DMD: variants seen among roughly 807,000 people sequenced by gnomAD.
DMD encodes mutant dystrophin.
A neutral mutation model predicts 330.1 loss-of-function variants in DMD; 63 were observed. The ratio of observed to expected loss-of-function variants is 0.19; its 90% CI spans 0.16 to 0.24. DMD has a LOEUF of 0.24. Among genes scored for constraint, DMD ranks in the 10% least tolerant of loss-of-function variants. The pLI, the probability that DMD is intolerant of heterozygous loss-of-function variation, is 1.00. For missense variants in DMD, 3,344 were observed against 2,684.1 expected (o/e 1.25, Z -5.43); for synonymous variants, 1,223 against 959.8 (o/e 1.27, Z -5.07).
chrX:32,483,355 G>C (rs890165974), intron 21 of DMD, among the ~76,000 whole-genome samples: 19 of 105,689 alleles, frequency 1.8e-4, no homozygotes, highest in East Asian at 3.1e-4. Flanking sequence ...AGAGAAGAAA[G>C]ATGATAGGGA....
intron 1 of DMD, among the ~76,000 whole-genome samples, chrX:33,136,869 C>T (rs772283355): frequency 5.4e-4 from 59 of 109,718 alleles, no homozygotes; most frequent in African/African-American, 8.3e-4. Flanking sequence ...GTAAGAAGTA[C>T]GAAGAATTAC....
chrX:32,005,899 A>AT (rs1183733604), intron 44 of DMD, among the ~76,000 whole-genome samples: 1 of 111,525 alleles, frequency 9.0e-6, no homozygotes, highest in African/African-American at 3.3e-5. Flanking sequence ...TTTCCTGACA[A>AT]GTATTTTACT....
chrX:32,153,060 A>G (rs1169839595), intron 44 of DMD, among the ~76,000 whole-genome samples: 1 of 112,100 alleles, frequency 8.9e-6, no homozygotes, highest in Non-Finnish European at 1.9e-5. Context: ...TTATCAGATG[A>G]GTTTGTAGTT....
chrX:32,257,224 GAAAATGGCCATACTGTCC>G (rs1450090548), intron 43 of DMD, among the ~76,000 whole-genome samples: 1 of 112,187 alleles, frequency 8.9e-6, no homozygotes, highest in Non-Finnish European at 1.9e-5. Context: ...TCAGTGGAGT[GAAAATGGCCATACTGTCC>G]AAATTAATTT....
chrX:31,724,694 A>G (rs2085874464), intron 52 of DMD, among the ~76,000 whole-genome samples: 1 of 111,952 alleles, frequency 8.9e-6, no homozygotes, highest in Non-Finnish European at 1.9e-5. Flanking sequence ...CTCTGTACCA[A>G]ATCCATCTCA....
At chrX:33,308,074 C>A (rs180760466) in intron 1 of DMD, among the ~76,000 whole-genome samples, 100 of 112,212 alleles carry the variant, frequency 8.9e-4, no homozygotes, top group African/African-American at 3.2e-3. Context: ...GGTATGTCTA[C>A]CAATGCGCAG....
chrX:32,460,862 G>T (rs922670028), intron 25 of DMD, among the ~76,000 whole-genome samples: 1 of 111,818 alleles, frequency 8.9e-6, no homozygotes, highest in African/African-American at 3.2e-5. Flanking sequence ...AGACATTGTT[G>T]TGATAATGTG....
At chrX:33,065,932 A>C (rs1303001521) in intron 1 of DMD, among the ~76,000 whole-genome samples, 2 of 111,692 alleles carry the variant, frequency 1.8e-5, no homozygotes, top group Non-Finnish European at 3.8e-5. Context: ...AACTAAGTGC[A>C]AATGGGCAAT....
intron 25 of DMD, among the ~76,000 whole-genome samples, chrX:32,455,067 G>A (rs1046661204): frequency 1.8e-5 from 2 of 110,916 alleles, no homozygotes; most frequent in African/African-American, 6.5e-5. Context: ...CGTATTGCCC[G>A]ATGATGATAA....
chrX:31,931,676 T>G (rs982866756), intron 46 of DMD, among the ~76,000 whole-genome samples: 3 of 111,570 alleles, frequency 2.7e-5, no homozygotes, highest in African/African-American at 9.8e-5. Context: ...GTGATTCCCA[T>G]TTAGATTTAG....
At chrX:32,503,995 A>G (rs1162834217) in intron 18 of DMD, among the ~76,000 whole-genome samples, 1 of 112,287 alleles carries the variant, frequency 8.9e-6, no homozygotes, top group Non-Finnish European at 1.9e-5. Flanking sequence ...CAGGTAAATC[A>G]ATGGAACAGA....
chrX:31,890,504 C>T (rs1022056516), intron 47 of DMD, among the ~76,000 whole-genome samples: 1 of 111,317 alleles, frequency 9.0e-6, no homozygotes. Context: ...TTCCAATGCT[C>T]AAAACCCACA....
chrX:31,849,270 G>C (rs1418168087), intron 48 of DMD, among the ~76,000 whole-genome samples: 6 of 110,518 alleles, frequency 5.4e-5, no homozygotes, highest in Non-Finnish European at 1.1e-4. Flanking sequence ...TTTATTCAGT[G>C]CTTACTATGT....
chrX:32,921,983 C>A (rs757239542), intron 2 of DMD, among the ~76,000 whole-genome samples: 1 of 110,816 alleles, frequency 9.0e-6, no homozygotes, highest in Non-Finnish European at 1.9e-5. Context: ...TTAAATAAGG[C>A]AGTTTCTACT....
chrX:31,515,915 C>A (rs1281192495), intron 55 of DMD, among the ~76,000 whole-genome samples: 2 of 112,104 alleles, frequency 1.8e-5, no homozygotes, highest in Non-Finnish European at 3.8e-5. Flanking sequence ...TTATTTGATA[C>A]AGTTGTTTTG....
chrX:31,404,184 C>T (rs372523117), intron 60 of DMD, among the ~76,000 whole-genome samples: 4 of 110,845 alleles, frequency 3.6e-5, no homozygotes, highest in East Asian at 2.8e-4. Context: ...ATCTCAGGGT[C>T]GTATGCCCAA....
chrX:32,349,460 C>T (rs1603631382), intron 37 of DMD, among the ~76,000 whole-genome samples: 1 of 111,135 alleles, frequency 9.0e-6, no homozygotes, highest in Non-Finnish European at 1.9e-5. Flanking sequence ...AGAGCTAAAA[C>T]ATTTTACTTT....
intron 7 of DMD, among the ~76,000 whole-genome samples, chrX:32,744,193 ATT>A (rs766359838): frequency 2.9e-5 from 3 of 102,338 alleles, no homozygotes; most frequent in Admixed American, 1.1e-4. Flanking sequence ...CATTCTTACA[ATT>A]TTTTTTTTTT....
At chrX:32,433,208 A>T (rs1381508532) in intron 29 of DMD, among the ~76,000 whole-genome samples, 1 of 112,061 alleles carries the variant, frequency 8.9e-6, no homozygotes, top group Non-Finnish European at 1.9e-5. Context: ...TGCCATATTC[A>T]CTTATTAGCA....
Sources: allele counts gnomAD v4.1 joint callset (sites outside exome capture counted in the v4.1 genomes callset), GRCh38; gene constraint gnomAD v4.1.1; transcripts MANE v1.5; gene names NCBI Gene and HGNC (gene_info 2026-07-23, HGNC 2026-07-21).